Variants in HAVCR2 observed in about 807,000 individuals in gnomAD.
HAVCR2 encodes the protein T cell immunoglobulin mucin 3.
In HAVCR2, 13 loss-of-function variants were observed where a neutral mutation model predicts 24.7. The observed-to-expected ratio is 0.53, with a 90% CI of 0.34 to 0.84. HAVCR2 has a LOEUF of 0.84. Ranked by LOEUF, HAVCR2 falls within the 40% of genes least tolerant of loss-of-function variation. The pLI, the probability that HAVCR2 is intolerant of heterozygous loss-of-function variation, is 0.01. For synonymous variants in HAVCR2, 154 were observed against 143.4 expected (o/e 1.07, Z -0.53); for missense variants, 343 against 371.2 (o/e 0.92, Z 0.62).
At chr5:157,090,122 CTTTTTTTTTTTTTT>C (rs869177923) in intron 5 of HAVCR2, among the ~76,000 whole-genome samples, 2 of 65,576 alleles carry the variant, frequency 3.0e-5, no homozygotes, top group Non-Finnish European at 5.3e-5. Flanking sequence ...CTTTTCTTTT[CTTTTTTTTTTTTTT>C]TTTTTTTTTT....
In HAVCR2 at chr5:157,100,965, G is replaced by A. The variant is rs578059482; in HGVS notation, c.479-2064C>T. On this transcript the variant is annotated intron_variant, in intron 3 of 6. Coordinates refer to ENST00000307851, the MANE Select transcript of HAVCR2 (RefSeq NM_032782.5). The stretch of plus-strand genomic sequence containing the variant: ...CAAAAAATTAGCCGGGCGTGGTGGT[G>A]TACGCCTGTAGTCCCAGCTACTCAG... 1.8e-4 allele frequency among the ~76,000 whole-genome samples: 27 copies of A among 152,038 alleles called. No homozygotes were observed. In the South Asian group the frequency reaches 5.6e-3, roughly 32 times the overall value.
chr5:157,095,410 T>A lies in HAVCR2; in HGVS notation c.572A>T (p.Asp191Val). 6.2e-7 allele frequency: 1 copy of A among 1,614,004 alleles called. No homozygotes were observed. Among genetic ancestry groups the A allele is most frequent in the Non-Finnish European group, 8.5e-7 (1 of 1,179,882 alleles). The stretch of plus-strand genomic sequence containing the variant: ...GATGGTTGCTCCAGAGTCCCGTAAG[T>A]CATTGGCCAATCTAGAGTCCCGTAA... ...NELRDSRLAN[D>V]LRDSGATIRI... The change falls in exon 5 of 7, where the codon GAC becomes GTC. Residue 191 changes from aspartate (D) to valine (V), a missense_variant. Physicochemically the swap from Asp to Val is radical, Grantham distance 152 (BLOSUM62 -3). Transcript: ENST00000307851.
intron 4 of HAVCR2, among the ~76,000 whole-genome samples, chr5:157,096,362 A>G (rs1361346741): frequency 5.3e-5 from 8 of 152,180 alleles, no homozygotes; most frequent in African/African-American, 1.9e-4. Context: ...TAAATGTTCA[A>G]TCAATCGTAG....
chr5:157,092,193 T>C (rs894153549), intron 5 of HAVCR2, among the ~76,000 whole-genome samples: 5 of 150,502 alleles, frequency 3.3e-5, no homozygotes, highest in African/African-American at 1.2e-4. Context: ...TAAAGTGGTC[T>C]CTAATATATA....
intron 2 of HAVCR2, among the ~76,000 whole-genome samples, chr5:157,105,782 G>A (rs1476313647): frequency 6.6e-6 from 1 of 152,134 alleles, no homozygotes; most frequent in African/African-American, 2.4e-5. Flanking sequence ...CTGCACCTGG[G>A]GTAAAATCAC....
rs114890283 is a variant in HAVCR2, at chr5:157,108,638, G to A, written c.58+288C>T. Among the ~76,000 whole-genome samples, 443 of 152,102 alleles carry A rather than the reference G, an allele frequency of 2.9e-3. 3 individuals carry two copies. Among genetic ancestry groups the A allele is most frequent in the African/African-American group, 7.9e-3 (327 of 41,476 alleles). ...AAATGTCCACATATTCCTGCTCCCC[G>A]ACAATGCACACACACAAATAGAAGC... is the stretch of plus-strand genomic sequence containing the variant. On this transcript the variant is annotated intron_variant, in intron 1 of 6. Coordinates refer to ENST00000307851, the MANE Select transcript of HAVCR2 (RefSeq NM_032782.5).
chr5:157,100,228 T>C (rs1354147793), intron 3 of HAVCR2, among the ~76,000 whole-genome samples: 1 of 152,132 alleles, frequency 6.6e-6, no homozygotes, highest in African/African-American at 2.4e-5. Context: ...AAACTGAAAA[T>C]TAGGGAAGTG....
At chr5:157,092,406 G>C (rs1408301142) in intron 5 of HAVCR2, among the ~76,000 whole-genome samples, 1 of 151,852 alleles carries the variant, frequency 6.6e-6, no homozygotes, top group Non-Finnish European at 1.5e-5. Context: ...AGACCAGCTT[G>C]AGCAACATAG....
At chr5:157,102,850 G>T (rs1416240241) in intron 3 of HAVCR2, among the ~76,000 whole-genome samples, 1 of 146,974 alleles carries the variant, frequency 6.8e-6, no homozygotes, top group Non-Finnish European at 1.5e-5. Context: ...CAGGAGAATG[G>T]CATGAACCTG....
chr5:157,086,722 A>T lies in HAVCR2; in HGVS notation c.*380T>A, dbSNP rs147098218. The T allele has an allele frequency of 1.2e-4, 21 of 172,180 alleles. No individual in the cohort carries two copies. The East Asian group carries it at 3.6e-3, about 30-fold the overall frequency. 10.7% of individuals were successfully genotyped at this position (172,180 alleles called of 1,614,324 possible). On this transcript the variant is annotated 3_prime_UTR_variant, in exon 7 of 7. Transcript: ENST00000307851. The stretch of plus-strand genomic sequence containing the variant: ...CCCTTTAGACTTTCTGTGCCAAAAA[A>T]GTTATGCTTTCACCTCAGCACCCAG...
chr5:157,099,127 AACCGT>A (rs1490711341), intron 3 of HAVCR2, among the ~76,000 whole-genome samples: 2 of 152,338 alleles, frequency 1.3e-5, no homozygotes, highest in East Asian at 3.9e-4. Context: ...CTAGATAATG[AACCGT>A]ACTGTTTTAT....
At position 157,090,122 on chromosome 5, in the gene HAVCR2, C is replaced by CTTTTTTTTTTTTTTTTTT. The variant is rs869177923; in HGVS notation, c.677-1163_677-1146dup. 2.6e-4 allele frequency among the ~76,000 whole-genome samples: 17 copies of CTTTTTTTTTTTTTTTTTT among 65,576 alleles called. 1 individual carries two copies. Among genetic ancestry groups the CTTTTTTTTTTTTTTTTTT allele is most frequent in the South Asian group, 6.3e-4 (1 of 1,590 alleles). 43.0% of individuals were successfully genotyped at this position (65,576 alleles called of 152,430 possible). A position where few individuals can be genotyped will look rare whatever the true frequency, so the allele number is the denominator to read the frequency against. ...TTAAAATTTTCCTTTCTTTTCTTTT[C>CTTTTTTTTTTTTTTTTTT]TTTTTTTTTTTTTTTTTTTTTTTTT... On this transcript the variant is annotated intron_variant, in intron 5 of 6. Coordinates refer to ENST00000307851, the MANE Select transcript of HAVCR2 (RefSeq NM_032782.5).
intron 1 of HAVCR2, 130 bp from the exon 2 acceptor site, chr5:157,107,092 C>T (rs934101928): frequency 1.9e-5 from 14 of 724,368 alleles, no homozygotes; most frequent in African/African-American, 1.6e-4. Context: ...GAGGATGATT[C>T]GCTGTGACAA....
At chr5:157,092,933 T>TGG (rs992687614) in intron 5 of HAVCR2, among the ~76,000 whole-genome samples, 1 of 120,788 alleles carries the variant, frequency 8.3e-6, no homozygotes, top group African/African-American at 3.3e-5. Flanking sequence ...CCAGGTGTGG[T>TGG]GGCATATGCC....
intron 2 of HAVCR2, 68 bp downstream of exon 2, chr5:157,106,559 A>G (rs780798120): frequency 3.7e-6 from 5 of 1,364,892 alleles, no homozygotes; most frequent in Non-Finnish European, 5.2e-6. Context: ...GATGAGAACA[A>G]TCAGTACCTT....
intron 3 of HAVCR2, among the ~76,000 whole-genome samples, chr5:157,104,045 G>A (rs1757210031): frequency 1.3e-5 from 2 of 151,376 alleles, no homozygotes; most frequent in Non-Finnish European, 1.5e-5. Context: ...TTTTACAGAA[G>A]AAAAAAAAAA....
Position 157,093,226 on chromosome 5 carries a change from G to A in HAVCR2, c.676+2080C>T, listed in dbSNP as rs79711446. ...CTGAATAATCCATTTAACCATAATCGCAGAAACCATAAAGATGAGGAGCAG... is the reference window on the plus strand; with the variant it reads ...CTGAATAATCCATTTAACCATAATCACAGAAACCATAAAGATGAGGAGCAG... On this transcript the variant is annotated intron_variant, in intron 5 of 6. Coordinates refer to ENST00000307851, the MANE Select transcript of HAVCR2 (RefSeq NM_032782.5). 4.7e-3 allele frequency among the ~76,000 whole-genome samples: 710 copies of A among 151,850 alleles called. 1 individual carries two copies. The highest frequency in any genetic ancestry group is 7.4e-3 in the Non-Finnish European group (502 of 67,988).
At chr5:157,090,378 T>G (rs1756980905) in intron 5 of HAVCR2, among the ~76,000 whole-genome samples, 1 of 151,974 alleles carries the variant, frequency 6.6e-6, no homozygotes, top group African/African-American at 2.4e-5. Flanking sequence ...GTGGATTTCT[T>G]GAGCTTGGGA....
chr5:157,089,642 A>C (rs1156898892), intron 5 of HAVCR2, among the ~76,000 whole-genome samples: 4 of 152,202 alleles, frequency 2.6e-5, no homozygotes, highest in African/African-American at 9.6e-5. Context: ...GAAACAGATA[A>C]TAGAGAGGGT....
Sources: allele counts gnomAD v4.1 joint callset (sites outside exome capture counted in the v4.1 genomes callset), GRCh38; gene constraint gnomAD v4.1.1; transcripts MANE v1.5; gene names NCBI Gene and HGNC (gene_info 2026-07-23, HGNC 2026-07-21).